The following KIF13B variants were observed in gnomAD, a reference collection of about 807,000 sequenced individuals.
KIF13B encodes the protein kinesin family member 13B, also known as kinesin-like protein KIF13B.
Under a neutral mutation model 222.0 loss-of-function variants are expected in KIF13B, and 127 were observed. That is an observed-to-expected ratio of 0.57 (90% CI 0.50 to 0.66). KIF13B has a LOEUF of 0.66. Ranked by LOEUF, KIF13B falls within the 30% of genes least tolerant of loss-of-function variation. The probability of loss-of-function intolerance (pLI) is 0.00; values close to 1 mark genes in which losing one functional copy is unlikely to be tolerated. For missense variants in KIF13B, 2,173 were observed against 2,379.0 expected, an observed-to-expected ratio of 0.91 and a Z score of 1.80; for synonymous variants, 976 against 919.0, an observed-to-expected ratio of 1.06 and a Z score of -1.12.
At chr8:29,168,335 TAG>T (rs554430666) in intron 10 of KIF13B, among the ~76,000 whole-genome samples, 37 of 152,268 alleles carry the variant, frequency 2.4e-4, no homozygotes, top group African/African-American at 8.9e-4. Flanking sequence ...ACATTAAAAA[TAG>T]AGATTTAACT....
At chr8:29,184,653 A>G (rs1051461174) in intron 6 of KIF13B, among the ~76,000 whole-genome samples, 3 of 152,208 alleles carry the variant, frequency 2.0e-5, no homozygotes, top group African/African-American at 4.8e-5. Flanking sequence ...TTACTAACCT[A>G]TACCCAAGAC....
chr8:29,236,658 A>C (rs1028332870), intron 2 of KIF13B, among the ~76,000 whole-genome samples: 2 of 152,294 alleles, frequency 1.3e-5, no homozygotes, highest in Non-Finnish European at 2.9e-5. Context: ...CTTAATTAAA[A>C]GTATATATAA....
intron 3 of KIF13B, among the ~76,000 whole-genome samples, chr8:29,191,777 T>C (rs1813200884): frequency 1.3e-5 from 2 of 152,378 alleles, no homozygotes; most frequent in South Asian, 4.1e-4. Context: ...TATTTCTTTT[T>C]AAACCAACTA....
chr8:29,089,212 G>A (rs140800213), intron 37 of KIF13B, among the ~76,000 whole-genome samples: 1,814 of 152,216 alleles, frequency 0.012, 18 homozygotes, highest in Non-Finnish European at 0.018. Context: ...CAGACGGGAG[G>A]ACTTGAGCCC....
At chr8:29,243,770 T>A (rs1247730003) in intron 2 of KIF13B, among the ~76,000 whole-genome samples, 1 of 152,252 alleles carries the variant, frequency 6.6e-6, no homozygotes, top group African/African-American at 2.4e-5. Flanking sequence ...TTATAAGGAA[T>A]GTATTCACTA....
chr8:29,247,780 G>A (rs1056902021), intron 1 of KIF13B, among the ~76,000 whole-genome samples: 1 of 145,280 alleles, frequency 6.9e-6, no homozygotes, highest in Admixed American at 7.1e-5. Context: ...GCTGCAGTGA[G>A]CTGTGATGGC....
In KIF13B at chr8:29,150,624, T is replaced by C. The variant is rs564007206; in HGVS notation, c.1536-241A>G. On this transcript the variant is annotated intron_variant, in intron 14 of 39. Coordinates refer to ENST00000524189, the MANE Select transcript of KIF13B (RefSeq NM_015254.4). ...TTTGCTTTATTGTGCTTTGCAGATA[T>C]CACATTTTTTACAAACGCTATCCTA... Among the ~76,000 whole-genome samples the C allele has an allele frequency of 8.7e-4, 133 of 152,318 alleles. 1 individual carries two copies. The highest frequency in any genetic ancestry group is 2.8e-3 in the African/African-American group (116 of 41,572).
chr8:29,107,567 T>A (rs567276817), intron 35 of KIF13B, among the ~76,000 whole-genome samples: 1 of 150,956 alleles, frequency 6.6e-6, no homozygotes, highest in Admixed American at 6.6e-5. Flanking sequence ...AGTTTCTTTT[T>A]TTTTTTTTTT....
At chr8:29,184,093 G>A (rs891338196) in intron 6 of KIF13B, among the ~76,000 whole-genome samples, 6 of 151,632 alleles carry the variant, frequency 4.0e-5, no homozygotes, top group African/African-American at 9.7e-5. Context: ...TTTACTTCTC[G>A]CCCAGGATAT....
Position 29,130,543 on chromosome 8 carries a change from T to C in KIF13B, c.3065A>G (p.Gln1022Arg). The C allele has an allele frequency of 6.2e-7, 1 of 1,613,834 alleles. No homozygotes were observed. The highest frequency in any genetic ancestry group is 8.5e-7 in the Non-Finnish European group (1 of 1,179,768). ...AKDVPTGGIF[Q>R]LRQGQSRRVQ... ...TCACAATCTTGTTACCTGCCGGAGC[T>C]GGAAGATTCCTCCTGTTGGGACATC... Residue 1022 changes from glutamine to arginine, a missense_variant, in exon 24 of 40, where the codon CAG becomes CGG. Physicochemically the swap from Gln to Arg is conservative, Grantham distance 43. Coordinates refer to ENST00000524189, the MANE Select transcript of KIF13B (RefSeq NM_015254.4).
chr8:29,181,868 C>T (rs879159234), intron 7 of KIF13B, 51 bp downstream of exon 7: 2 of 1,237,186 alleles, frequency 1.6e-6, no homozygotes, highest in Non-Finnish European at 2.3e-6. Flanking sequence ...AAAAAAAGAG[C>T]CCCACCCTAC....
Position 29,075,469 on chromosome 8 carries a change from G to A in KIF13B, c.4459-126C>T, listed in dbSNP as rs989909221. On this transcript the variant is annotated intron_variant, in intron 37 of 39. Transcript: ENST00000524189. Reference sequence around the variant, plus strand: ...GAATCGGCCCATCAGGTGTGCGAGTGTGAGGGGCTCCACACCCTCCAAGGA... The same window carrying A: ...GAATCGGCCCATCAGGTGTGCGAGTATGAGGGGCTCCACACCCTCCAAGGA... 4 of 778,776 alleles carry A rather than the reference G, an allele frequency of 5.1e-6. No individual in the cohort carries two copies. The South Asian group carries it at 7.4e-5, about 14-fold the overall frequency. The allele number at this position is 778,776 out of a possible 1,614,324, so 48.2% of individuals were successfully genotyped here. A position where few individuals can be genotyped will look rare whatever the true frequency, so the allele number is the denominator to read the frequency against.
At chr8:29,155,939 T>TC in intron 13 of KIF13B, 83 bp from the exon 14 acceptor site, 1 of 1,152,190 alleles carries the variant, frequency 8.7e-7, no homozygotes, top group South Asian at 1.3e-5. Context: ...CCCTCTTATA[T>TC]TGTCCTATTA....
At chr8:29,236,760 A>G (rs1815526667) in intron 2 of KIF13B, among the ~76,000 whole-genome samples, 1 of 152,128 alleles carries the variant, frequency 6.6e-6, no homozygotes, top group Non-Finnish European at 1.5e-5. Flanking sequence ...AAGTTTGAGG[A>G]CTCCAGAGTT....
chr8:29,099,175 C>CG lies in KIF13B; in HGVS notation c.4281dup (p.Ala1428ArgfsTer9). The CG allele has an allele frequency of 1.9e-6, 3 of 1,613,342 alleles. No individual in the cohort carries two copies. Among genetic ancestry groups the CG allele is most frequent in the Non-Finnish European group, 2.5e-6 (3 of 1,179,520 alleles). On this transcript the variant is annotated frameshift_variant, in exon 36 of 40. Coordinates refer to ENST00000524189, the MANE Select transcript of KIF13B (RefSeq NM_015254.4). LOFTEE classifies it high-confidence loss of function. ...TTATTTTGGGGAGAAACAGAGAGGGCGGGGGCAGGAGCTATTCCTCTGGAA... is the reference window on the plus strand; with the variant it reads ...TTATTTTGGGGAGAAACAGAGAGGGCGGGGGGCAGGAGCTATTCCTCTGGAA...
At chr8:29,149,343 A>G (rs1409990267) in intron 15 of KIF13B, among the ~76,000 whole-genome samples, 2 of 152,214 alleles carry the variant, frequency 1.3e-5, no homozygotes, top group African/African-American at 4.8e-5. Flanking sequence ...AGTAACCAAA[A>G]TATCACTGGC....
chr8:29,179,075 T>G (rs1056102669), intron 8 of KIF13B, among the ~76,000 whole-genome samples: 1 of 152,150 alleles, frequency 6.6e-6, no homozygotes, highest in African/African-American at 2.4e-5. Context: ...TTCCTTCTAA[T>G]AGTGTTTCAC....
At chr8:29,177,062 C>A (rs986995796) in intron 9 of KIF13B, among the ~76,000 whole-genome samples, 1 of 152,204 alleles carries the variant, frequency 6.6e-6, no homozygotes, top group Admixed American at 6.5e-5. Flanking sequence ...TGGTTCTCAA[C>A]TGGAGGGTGA....
At chr8:29,211,185 G>A (rs951695756) in intron 2 of KIF13B, among the ~76,000 whole-genome samples, 1 of 152,204 alleles carries the variant, frequency 6.6e-6, no homozygotes, top group East Asian at 1.9e-4. Flanking sequence ...TAAGAACCTC[G>A]GAGAGGGCAC....
Sources: gnomAD v4.1 joint callset for allele counts (sites outside exome capture counted in the v4.1 genomes callset) on GRCh38, gnomAD v4.1.1 for gene constraint, MANE v1.5 for transcripts, NCBI Gene and HGNC (gene_info 2026-07-23, HGNC 2026-07-21) for gene names.